The following WDR24 variants were observed in gnomAD, a reference collection of about 807,000 sequenced individuals.
The protein encoded by WDR24 is GATOR2 complex protein WDR24.
A neutral mutation model predicts 66.7 loss-of-function variants in WDR24; 32 were observed. The observed-to-expected ratio is 0.48, with a 90% CI of 0.36 to 0.64. WDR24 has a LOEUF of 0.64. WDR24 is among the 30% of genes least tolerant of loss of function. The probability of loss-of-function intolerance (pLI) is 0.00; values close to 1 mark genes in which losing one functional copy is unlikely to be tolerated. For missense variants in WDR24, 978 were observed against 1,144.1 expected, an observed-to-expected ratio of 0.85 and a Z score of 2.09; for synonymous variants, 565 against 469.1, an observed-to-expected ratio of 1.20 and a Z score of -2.64.
chr16:686,709 T>G, intron 3 of WDR24, 35 bp downstream of exon 3: 1 of 1,554,540 alleles, frequency 6.4e-7, no homozygotes, highest in Non-Finnish European at 8.7e-7. Context: ...CCTGAGGTCG[T>G]GGCCCAGGGA....
At position 684,715 on chromosome 16, in the gene WDR24, A is replaced by T; in HGVS notation, c.*19T>A. The T allele has an allele frequency of 6.4e-7, 1 of 1,571,904 alleles. No homozygotes were observed. The highest frequency in any genetic ancestry group is 8.6e-7 in the Non-Finnish European group (1 of 1,159,118). On this transcript the variant is annotated 3_prime_UTR_variant, in exon 9 of 9. Transcript: ENST00000293883. Reference sequence around the variant, plus strand: ...GGGTTCTGCACGCGGCCGCCCGGGCAAGCCCAGCAGATGCCCCGTCAGGAG... The same window carrying T: ...GGGTTCTGCACGCGGCCGCCCGGGCTAGCCCAGCAGATGCCCCGTCAGGAG...
rs1378022179 is a variant in WDR24, at chr16:685,087, G to C, written c.2109C>G (p.Arg703=). The C allele has an allele frequency of 1.3e-6, 2 of 1,556,110 alleles. No individual in the cohort carries two copies. Among genetic ancestry groups the C allele is most frequent in the Middle Eastern group, 3.3e-4 (2 of 5,998 alleles). ...AGGCCTGGTTGAGGCAGCTGACGGC[G>C]CGGCTGGTGCTCAGCTTGACCACCT... ...SNEVVKLSTS[R]AVSCLNQAST... The change falls in exon 8 of 9, where the codon CGC becomes CGG. Residue 703 remains arginine, a synonymous_variant. Coordinates refer to ENST00000293883, the MANE Select transcript of WDR24 (RefSeq NM_032259.4).
At position 688,492 on chromosome 16, in the gene WDR24, C is replaced by T. The variant is rs141025624; in HGVS notation, c.481+668G>A. ...TATTTTTAGTGGATATGGGGTTTCC[C>T]TGTGTTAGCCAGGAGGGTCTCAATC... On this transcript the variant is annotated intron_variant, in intron 1 of 8. Coordinates refer to ENST00000293883, the MANE Select transcript of WDR24 (RefSeq NM_032259.4). Among the ~76,000 whole-genome samples the T allele has an allele frequency of 5.1e-3, 779 of 152,330 alleles. 6 individuals are homozygous for T. The highest frequency in any genetic ancestry group is 0.018 in the African/African-American group (735 of 41,578).
chr16:684,738 G>T lies in WDR24; in HGVS notation c.2369C>A (p.Ser790Tyr). ...PAGCGHLCEY[S>Y] ...GCAAGCCCAGCAGATGCCCCGTCAGGAGTACTCGCAGAGGTGGCCGCAGCC... is the reference window on the plus strand; with the variant it reads ...GCAAGCCCAGCAGATGCCCCGTCAGTAGTACTCGCAGAGGTGGCCGCAGCC... Residue 790 changes from serine (S) to tyrosine (Y), a missense_variant, in exon 9 of 9, where the codon TCC becomes TAC. Transcript: ENST00000293883. The T allele has an allele frequency of 6.3e-7, 1 of 1,594,272 alleles. No individual in the cohort carries two copies. Among genetic ancestry groups the T allele is most frequent in the Non-Finnish European group, 8.5e-7 (1 of 1,171,274 alleles).
Position 685,271 on chromosome 16 carries a change from C to A in WDR24, c.2005G>T (p.Asp669Tyr), listed in dbSNP as rs376665117. ...CCACCACACACCTGGGTCTGCTCGT[C>A]GATGTCCTTGCGCACCCGTTCACCC... is the stretch of plus-strand genomic sequence containing the variant. ...VLGERVRKDI[D>Y]EQTQEHWYTS... Residue 669 changes from aspartate (D) to tyrosine (Y), a missense_variant, in exon 7 of 9, where the codon GAC (aspartate) becomes TAC (tyrosine). By Grantham distance (160) the Asp-to-Tyr change is radical. This residue lies in a region of WDR24 where 676 missense variants were observed against 617.5 expected (regional missense o/e 1.09). Coordinates refer to ENST00000293883, the MANE Select transcript of WDR24 (RefSeq NM_032259.4). 4 of 1,593,762 alleles carry A rather than the reference C, an allele frequency of 2.5e-6. No individual in the cohort carries two copies. The highest frequency in any genetic ancestry group is 3.4e-6 in the Non-Finnish European group (4 of 1,170,070).
At position 685,194 on chromosome 16, in the gene WDR24, C is replaced by T. The variant is rs750856494; in HGVS notation, c.2020-18G>A. Reference sequence around the variant, plus strand: ...CAGTGCTCCTGGGGGAGGGAGCGCCCGGCAGTCAGGATCTGGGTGCCAGGG... The same window carrying T: ...CAGTGCTCCTGGGGGAGGGAGCGCCTGGCAGTCAGGATCTGGGTGCCAGGG... On this transcript the variant is annotated intron_variant, in intron 7 of 8. Coordinates refer to ENST00000293883, the MANE Select transcript of WDR24 (RefSeq NM_032259.4). 7.5e-6 allele frequency: 12 copies of T among 1,594,584 alleles called. No individual in the cohort carries two copies. The highest frequency in any genetic ancestry group is 9.4e-6 in the Non-Finnish European group (11 of 1,170,420).
rs1435142595 is a variant in WDR24, at chr16:685,284, C to T, written c.1992G>A (p.Val664=). The T allele has an allele frequency of 1.9e-6, 3 of 1,595,686 alleles. No individual in the cohort carries two copies. Among genetic ancestry groups the T allele is most frequent in the Non-Finnish European group, 2.6e-6 (3 of 1,171,366 alleles). Residue 664 remains valine (V), a synonymous_variant, in exon 7 of 9, where the codon GTG becomes GTA. Transcript: ENST00000293883. ...GGGTCTGCTCGTCGATGTCCTTGCG[C>T]ACCCGTTCACCCAGGACGATGAGCA... ...VSVLIVLGER[V]RKDIDEQTQE... is the part of the protein sequence containing the mutation.
Position 685,898 on chromosome 16 carries a change from T to C in WDR24, c.1544A>G (p.Asp515Gly), listed in dbSNP as rs748909661. 1.2e-6 allele frequency: 2 copies of C among 1,608,178 alleles called. No individual in the cohort carries two copies. Among genetic ancestry groups the C allele is most frequent in the Non-Finnish European group, 1.7e-6 (2 of 1,178,918 alleles). The stretch of plus-strand genomic sequence containing the variant: ...ATTGGTGATGAGTGTGGCCGAGGAG[T>C]CGAGCAGAACTGTGTCGCTCCGTGC... ...GDARSDTVLL[D>G]SSATLITNED... Residue 515 changes from aspartate to glycine, a missense_variant, in exon 5 of 9, where the codon GAC becomes GGC. Coordinates refer to ENST00000293883, the MANE Select transcript of WDR24 (RefSeq NM_032259.4).
rs201523704 is a variant in WDR24, at chr16:686,724, C to A, written c.1332+20G>T. 2 of 1,569,762 alleles carry A rather than the reference C, an allele frequency of 1.3e-6. No individual in the cohort carries two copies. Among genetic ancestry groups the A allele is most frequent in the Non-Finnish European group, 8.7e-7 (1 of 1,154,786 alleles). The stretch of plus-strand genomic sequence containing the variant: ...CCTGAGGTCGTGGCCCAGGGACCCC[C>A]AGGCTCAGCACCTACCTACCTGGTT... On this transcript the variant is annotated intron_variant, in intron 3 of 8. Transcript: ENST00000293883.
rs757332784 is a variant in WDR24, at chr16:685,361, C to T, written c.1915G>A (p.Asp639Asn). The change falls in exon 7 of 9, where the codon GAC becomes AAC. Residue 639 changes from aspartate to asparagine, a missense_variant. By Grantham distance (23) the Asp-to-Asn change is conservative. This residue lies in a region of WDR24 where 676 missense variants were observed against 617.5 expected (regional missense o/e 1.09). Coordinates refer to ENST00000293883, the MANE Select transcript of WDR24 (RefSeq NM_032259.4). ...PPDFFGVLVRDMLHFYAEQGD... is the reference protein window; with the variant it reads ...PPDFFGVLVRNMLHFYAEQGD... ...TGCTCAGCGTAGAAGTGCAGCATGTCGCGCACCAGCACGCCGAAGAAGTCG... is the reference window on the plus strand; with the variant it reads ...TGCTCAGCGTAGAAGTGCAGCATGTTGCGCACCAGCACGCCGAAGAAGTCG... The T allele has an allele frequency of 6.2e-7, 1 of 1,611,746 alleles. No homozygotes were observed. Among genetic ancestry groups the T allele is most frequent in the Non-Finnish European group, 8.5e-7 (1 of 1,179,858 alleles).
At position 685,462 on chromosome 16, in the gene WDR24, G is replaced by T. The variant is rs761515660; in HGVS notation, c.1814C>A (p.Ala605Asp). 4 of 1,603,934 alleles carry T rather than the reference G, an allele frequency of 2.5e-6. No individual in the cohort carries two copies. The highest frequency in any genetic ancestry group is 3.4e-6 in the Non-Finnish European group (4 of 1,173,062). Residue 605 changes from alanine to aspartate, a missense_variant, in exon 7 of 9, where the codon GCC becomes GAC. Coordinates refer to ENST00000293883, the MANE Select transcript of WDR24 (RefSeq NM_032259.4). ...GGAGGAGTCCACGGGGGCCAGGGAGGCCACATCCGCCTCGCTGCCGCTCAC... is the reference window on the plus strand; with the variant it reads ...GGAGGAGTCCACGGGGGCCAGGGAGTCCACATCCGCCTCGCTGCCGCTCAC... ...PHVSGSEADV[A>D]SLAPVDSSFS...
In WDR24 at chr16:690,065, A is replaced by G. The variant is rs928107621; in HGVS notation, c.-425T>C. The G allele has an allele frequency of 1.3e-5, 6 of 468,550 alleles. No homozygotes were observed. Among genetic ancestry groups the G allele is most frequent in the Admixed American group, 2.3e-5 (1 of 42,904 alleles). 29.0% of individuals were successfully genotyped at this position (468,550 alleles called of 1,614,324 possible). A position where few individuals can be genotyped will look rare whatever the true frequency, so the allele number is the denominator to read the frequency against. On this transcript the variant is annotated 5_prime_UTR_variant, in exon 1 of 9. Coordinates refer to ENST00000293883, the MANE Select transcript of WDR24 (RefSeq NM_032259.4). ...GGAGACTCCCGCCGTCCACACTGTC[A>G]GCCCTGAGGGCGGCGGGGCTCTAGG...
intron 3 of WDR24, 49 bp from the exon 4 acceptor site, chr16:686,235 C>T (rs1173041027): frequency 7.6e-6 from 12 of 1,588,684 alleles, no homozygotes; most frequent in Non-Finnish European, 1.0e-5. Context: ...ACCCAGCACC[C>T]CATGCAGGTC....
chr16:686,870 C>G lies in WDR24; in HGVS notation c.1206G>C (p.Thr402=). Residue 402 remains threonine, a synonymous_variant, in exon 3 of 9, where the codon ACG becomes ACC. Coordinates refer to ENST00000293883, the MANE Select transcript of WDR24 (RefSeq NM_032259.4). ...AGCGCATGCCGCCGCCACCTGGCTC[C>G]GTCTCAAAGACACTGAGGGCACTGG... is the stretch of plus-strand genomic sequence containing the variant. ...LASSALSVFE[T]EPGGGGMRWF... 5.0e-6 allele frequency: 8 copies of G among 1,610,184 alleles called. No individual in the cohort carries two copies. Among genetic ancestry groups the G allele is most frequent in the Non-Finnish European group, 6.8e-6 (8 of 1,179,696 alleles).
chr16:687,983 AT>A (rs2039929177), intron 1 of WDR24: 1 of 666,128 alleles, frequency 1.5e-6, no homozygotes, highest in Non-Finnish European at 2.8e-6. Flanking sequence ...TTTGCCGTAG[AT>A]TCTGCATCCT....
rs546343586 is a variant in WDR24 at position 689,092 on chromosome 16, C to T, written c.481+68G>A. On this transcript the variant is annotated intron_variant, in intron 1 of 8. Coordinates refer to ENST00000293883, the MANE Select transcript of WDR24 (RefSeq NM_032259.4). ...GCCTCTGATGCACGGAGCCCTTTTC[C>T]GCCTGCATGGACAGGCTGGGCACCG... 3.8e-5 allele frequency: 60 copies of T among 1,581,218 alleles called. 1 individual carries two copies. Among genetic ancestry groups the T allele is most frequent in the Middle Eastern group, 3.4e-4 (2 of 5,910 alleles).
rs774173394 is a variant in WDR24, at chr16:690,395, A to C, written c.-755T>G. The C allele has an allele frequency of 2.2e-6, 1 of 456,714 alleles. No homozygotes were observed. The allele number at this position is 456,714 out of a possible 1,614,324, so 28.3% of individuals were successfully genotyped here. On this transcript the variant is annotated 5_prime_UTR_variant, in exon 1 of 9. Transcript: ENST00000293883. Reference sequence around the variant, plus strand: ...GGTTGTCCGGAACCGCCGCGCCGGAAGCCGCTGTCTTTCCCGTCCCTCGCC... The same window carrying C: ...GGTTGTCCGGAACCGCCGCGCCGGACGCCGCTGTCTTTCCCGTCCCTCGCC...
In WDR24 at chr16:686,991, G is replaced by T; in HGVS notation, c.1085C>A (p.Ala362Asp). ...AGTGTAGGGCTTGCGCCCCGACTCG[G>T]CAGCCACGAGGCTCTCCTTGGCGGC... The part of the protein sequence containing the change: ...AFAAKESLVA[A>D]ESGRKPYTGD... Residue 362 changes from alanine to aspartate, a missense_variant, in exon 3 of 9, where the codon GCC becomes GAC. Ala to Asp is a moderately radical substitution (Grantham distance 126). Coordinates refer to ENST00000293883, the MANE Select transcript of WDR24 (RefSeq NM_032259.4). 1.2e-6 allele frequency: 2 copies of T among 1,600,126 alleles called. No individual in the cohort carries two copies. The highest frequency in any genetic ancestry group is 1.7e-4 in the Middle Eastern group (1 of 6,052).
rs1389830717 is a variant in WDR24 at position 689,883 on chromosome 16, G to A, written c.-243C>T. 5 of 718,306 alleles carry A rather than the reference G, an allele frequency of 7.0e-6. No individual in the cohort carries two copies. Among genetic ancestry groups the A allele is most frequent in the Non-Finnish European group, 1.2e-5 (5 of 403,290 alleles). The allele number at this position is 718,306 out of a possible 1,614,324, so 44.5% of individuals were successfully genotyped here. Reference sequence around the variant, plus strand: ...CATCACCCTGGCTGAGCGGTGAGGGGACTTCCTAGCTTCCCTTAGGCCTGT... The same window carrying A: ...CATCACCCTGGCTGAGCGGTGAGGGAACTTCCTAGCTTCCCTTAGGCCTGT... On this transcript the variant is annotated 5_prime_UTR_variant, in exon 1 of 9. Transcript: ENST00000293883.
Sources: allele counts gnomAD v4.1 joint callset (sites outside exome capture counted in the v4.1 genomes callset), GRCh38; gene constraint gnomAD v4.1.1; regional missense constraint gnomAD v4.1.1; transcripts MANE v1.5; gene names NCBI Gene and HGNC (gene_info 2026-07-23, HGNC 2026-07-21).